Variants in SLC35F1 observed in about 807,000 individuals in gnomAD.
SLC35F1 encodes the protein chromosome 6 open reading frame 169.
In SLC35F1, 14 loss-of-function variants were observed where a neutral mutation model predicts 48.7. The ratio of observed to expected loss-of-function variants is 0.29; its 90% CI spans 0.19 to 0.45. The LOEUF (loss-of-function observed/expected upper bound fraction) is 0.45. Among genes scored for constraint, SLC35F1 ranks in the 20% least tolerant of loss-of-function variants. SLC35F1 has a pLI of 1.00. For missense variants in SLC35F1, 404 were observed against 500.0 expected (o/e 0.81, Z 1.83); for synonymous variants, 190 against 202.2 (o/e 0.94, Z 0.51).
At chr6:118,050,681 G>A (rs574752299) in intron 1 of SLC35F1, among the ~76,000 whole-genome samples, 2 of 152,246 alleles carry the variant, frequency 1.3e-5, no homozygotes, top group South Asian at 4.1e-4. Flanking sequence ...TTGAATCCTA[G>A]GTGAGAAGGG....
Position 118,096,447 on chromosome 6 carries a change from AG to A in SLC35F1, c.174-57996del, listed in dbSNP as rs562727674. On this transcript the variant is annotated intron_variant, in intron 1 of 7. Transcript: ENST00000360388. ...TCTCAAATCTTTGTTGGGAACAGAAAGGCGATGAATAAATAATCATAGTTCT... is the reference window on the plus strand; with the variant it reads ...TCTCAAATCTTTGTTGGGAACAGAAAGCGATGAATAAATAATCATAGTTCT... Among the ~76,000 whole-genome samples, 19 of 152,344 alleles carry A rather than the reference AG, an allele frequency of 1.2e-4. No individual in the cohort carries two copies. The East Asian group carries it at 3.7e-3, about 29-fold the overall frequency.
chr6:118,112,336 G>GA (rs1387160744), intron 1 of SLC35F1, among the ~76,000 whole-genome samples: 1 of 152,056 alleles, frequency 6.6e-6, no homozygotes. Flanking sequence ...TAGTAATTAA[G>GA]AAAATTAATC....
chr6:118,147,253 G>A (rs1040633273), intron 1 of SLC35F1, among the ~76,000 whole-genome samples: 2 of 152,182 alleles, frequency 1.3e-5, no homozygotes, highest in Non-Finnish European at 2.9e-5. Flanking sequence ...GCACGTTCCA[G>A]TTGCTCATGA....
intron 2 of SLC35F1, among the ~76,000 whole-genome samples, chr6:118,188,550 CAAA>C (rs773954308): frequency 3.5e-5 from 4 of 113,188 alleles, no homozygotes; most frequent in East Asian, 2.5e-4. Context: ...AACTCCATTT[CAAA>C]AAAAAAAAAA....
intron 1 of SLC35F1, among the ~76,000 whole-genome samples, chr6:118,099,038 A>T (rs1048114486): frequency 6.6e-6 from 1 of 152,208 alleles, no homozygotes; most frequent in African/African-American, 2.4e-5. Context: ...AAGTTGCATT[A>T]GGAAATGTGT....
intron 6 of SLC35F1, 80 bp downstream of exon 6, chr6:118,277,626 A>G (rs1384062162): frequency 7.9e-7 from 1 of 1,267,800 alleles, no homozygotes; most frequent in Non-Finnish European, 1.2e-6. Context: ...CGGGTGGAGC[A>G]CAAACAAGGA....
At chr6:118,306,856 C>T (rs1366364958) in intron 7 of SLC35F1, among the ~76,000 whole-genome samples, 1 of 152,150 alleles carries the variant, frequency 6.6e-6, no homozygotes, top group Non-Finnish European at 1.5e-5. Flanking sequence ...ATTTTTAGCT[C>T]CCGATTGCTG....
intron 1 of SLC35F1, among the ~76,000 whole-genome samples, chr6:118,028,417 T>C (rs1174670763): frequency 6.6e-6 from 1 of 151,856 alleles, no homozygotes; most frequent in Admixed American, 6.6e-5. Flanking sequence ...CTGGAGGAAA[T>C]AGAGATGGTA....
intron 1 of SLC35F1, among the ~76,000 whole-genome samples, chr6:118,108,132 A>G (rs978720018): frequency 2.0e-5 from 3 of 152,158 alleles, no homozygotes; most frequent in African/African-American, 4.8e-5. Flanking sequence ...GTAATTCTGT[A>G]TAACTCAAAT....
chr6:117,912,555 G>A (rs1250685137), intron 1 of SLC35F1, among the ~76,000 whole-genome samples: 2 of 152,180 alleles, frequency 1.3e-5, no homozygotes, highest in Admixed American at 6.5e-5. Context: ...TCTTCCTCAA[G>A]CTGCTCCGTC....
chr6:118,204,679 A>G (rs1432821473), intron 2 of SLC35F1, among the ~76,000 whole-genome samples: 1 of 152,166 alleles, frequency 6.6e-6, no homozygotes, highest in East Asian at 1.9e-4. Context: ...AAGTATAACA[A>G]ACAGAGAGAA....
intron 2 of SLC35F1, among the ~76,000 whole-genome samples, chr6:118,163,241 G>A (rs912901130): frequency 6.6e-6 from 1 of 152,034 alleles, no homozygotes; most frequent in African/African-American, 2.4e-5. Context: ...TGGGATTACA[G>A]ACCTGAGCCA....
intron 1 of SLC35F1, among the ~76,000 whole-genome samples, chr6:118,078,948 A>G (rs948974170): frequency 1.3e-5 from 2 of 152,190 alleles, no homozygotes; most frequent in African/African-American, 4.8e-5. Flanking sequence ...TGACTGCTGA[A>G]GCCCATCTTT....
intron 1 of SLC35F1, among the ~76,000 whole-genome samples, chr6:117,971,888 G>A (rs1776647417): frequency 6.6e-6 from 1 of 152,196 alleles, no homozygotes; most frequent in African/African-American, 2.4e-5. Flanking sequence ...ATGGATGGAA[G>A]GGCTTGCTGT....
chr6:118,029,665 A>G (rs1582627659), intron 1 of SLC35F1, among the ~76,000 whole-genome samples: 2 of 152,316 alleles, frequency 1.3e-5, no homozygotes, highest in Admixed American at 6.5e-5. Context: ...CATGGACACT[A>G]TCTCTTAGCA....
intron 1 of SLC35F1, among the ~76,000 whole-genome samples, chr6:118,053,212 C>T (rs1192356766): frequency 6.6e-6 from 1 of 151,844 alleles, no homozygotes; most frequent in Non-Finnish European, 1.5e-5. Context: ...AGTCCTCTGC[C>T]CTCTGGCACT....
At chr6:118,088,697 C>A (rs529612634) in intron 1 of SLC35F1, among the ~76,000 whole-genome samples, 4 of 152,274 alleles carry the variant, frequency 2.6e-5, no homozygotes, top group Admixed American at 1.3e-4. Flanking sequence ...TTTGGTTGTG[C>A]AAGTTTACAT....
At chr6:118,072,285 C>T (rs1772743177) in intron 1 of SLC35F1, among the ~76,000 whole-genome samples, 1 of 152,102 alleles carries the variant, frequency 6.6e-6, no homozygotes, top group African/African-American at 2.4e-5. Flanking sequence ...AGGATTTTGA[C>T]CAGGCACGGT....
chr6:118,244,347 GT>G (rs1775480996), intron 3 of SLC35F1, among the ~76,000 whole-genome samples: 1 of 152,258 alleles, frequency 6.6e-6, no homozygotes, highest in Non-Finnish European at 1.5e-5. Context: ...AAGCAGCAAT[GT>G]TACAGCTCTG....
Sources: gnomAD v4.1 joint callset for allele counts (sites outside exome capture counted in the v4.1 genomes callset) on GRCh38, gnomAD v4.1.1 for gene constraint, MANE v1.5 for transcripts, NCBI Gene and HGNC (gene_info 2026-07-23, HGNC 2026-07-21) for gene names.